The following ANKUB1 variants were observed in gnomAD, a reference collection of about 807,000 sequenced individuals.
The protein encoded by ANKUB1 is ankyrin repeat and ubiquitin domain containing 1.
A neutral mutation model predicts 49.3 loss-of-function variants in ANKUB1; 42 were observed. That is an observed-to-expected ratio of 0.85 (90% CI 0.67 to 1.10). The LOEUF (loss-of-function observed/expected upper bound fraction) is 1.10, where lower values mean the gene tolerates loss of function less well. Ranked by LOEUF, ANKUB1 falls within the 50% of genes least tolerant of loss-of-function variation. ANKUB1 has a pLI of 0.00. For missense variants in ANKUB1, 613 were observed against 642.0 expected, an observed-to-expected ratio of 0.95 and a Z score of 0.49; for synonymous variants, 222 against 231.0, an observed-to-expected ratio of 0.96 and a Z score of 0.35.
In ANKUB1 at chr3:149,790,780, C is replaced by T; in HGVS notation, c.234+1G>A. The T allele has an allele frequency of 1.3e-6, 2 of 1,549,706 alleles. No homozygotes were observed. The highest frequency in any genetic ancestry group is 1.2e-5 in the South Asian group (1 of 83,624). On this transcript the variant is annotated splice_donor_variant, in intron 2 of 5. Transcript: ENST00000446160. LOFTEE classifies it high-confidence loss of function. Reference sequence around the variant, plus strand: ...GACGAATATTATCCTGACCATCATACCTTAACAAAGCATTTGAGAGTTGAA... The same window carrying T: ...GACGAATATTATCCTGACCATCATATCTTAACAAAGCATTTGAGAGTTGAA...
Position 149,761,410 on chromosome 3 carries a change from T to C in ANKUB1, c.*74A>G. On this transcript the variant is annotated 3_prime_UTR_variant, in exon 6 of 6. Coordinates refer to ENST00000446160, the MANE Select transcript of ANKUB1 (RefSeq NM_001144960.3). ...AGAGATGATAACATTAGAACTGTTA[T>C]TAGAAATGTTAACATTAGAACTGGA... The C allele has an allele frequency of 6.7e-7, 1 of 1,491,414 alleles. No individual in the cohort carries two copies. Among genetic ancestry groups the C allele is most frequent in the Middle Eastern group, 1.7e-4 (1 of 5,760 alleles). The allele number at this position is 1,491,414 out of a possible 1,614,324, so 92.4% of individuals were successfully genotyped here.
chr3:149,790,774 A>G lies in ANKUB1; in HGVS notation c.234+7T>C. On this transcript the variant is annotated splice_region_variant and intron_variant, in intron 2 of 5. Coordinates refer to ENST00000446160, the MANE Select transcript of ANKUB1 (RefSeq NM_001144960.3). The stretch of plus-strand genomic sequence containing the variant: ...ATCTTAGACGAATATTATCCTGACC[A>G]TCATACCTTAACAAAGCATTTGAGA... 6.5e-7 allele frequency: 1 copy of G among 1,548,538 alleles called. No homozygotes were observed. Among genetic ancestry groups the G allele is most frequent in the Non-Finnish European group, 8.7e-7 (1 of 1,145,996 alleles).
In ANKUB1 at chr3:149,767,421, C is replaced by T; in HGVS notation, c.1241G>A (p.Ser414Asn). ...ALKFHPLVNA[S>N]SFSELQKHQQ... ...ATGTTTTTGTAATTCAGAGAATGAACTTGCATTCACCAGTGGATGAAATTT... is the reference window on the plus strand; with the variant it reads ...ATGTTTTTGTAATTCAGAGAATGAATTTGCATTCACCAGTGGATGAAATTT... Residue 414 changes from serine to asparagine, a missense_variant, in exon 5 of 6, where the codon AGT becomes AAT. Ser to Asn is a conservative substitution (Grantham distance 46). Transcript: ENST00000446160. The T allele has an allele frequency of 1.3e-6, 2 of 1,551,670 alleles. No homozygotes were observed. Among genetic ancestry groups the T allele is most frequent in the Non-Finnish European group, 1.7e-6 (2 of 1,146,986 alleles).
chr3:149,788,084 C>G (rs778627514), intron 2 of ANKUB1, among the ~76,000 whole-genome samples: 6 of 152,132 alleles, frequency 3.9e-5, no homozygotes, highest in Non-Finnish European at 8.8e-5. Flanking sequence ...CTAACTTTCA[C>G]AAAGTAACAT....
chr3:149,766,637 A>AG, intron 5 of ANKUB1: 1 of 494,130 alleles, frequency 2.0e-6, no homozygotes, highest in Non-Finnish European at 3.7e-6. Flanking sequence ...TCATCTCTAC[A>AG]GAAAAAAAAA....
At chr3:149,770,778 T>G (rs2108267128) in intron 3 of ANKUB1, 104 bp from the exon 4 acceptor site, 1 of 664,602 alleles carries the variant, frequency 1.5e-6, no homozygotes, top group East Asian at 3.0e-5. Flanking sequence ...CTTAGCTAGA[T>G]GCAAAATGAA....
At chr3:149,784,980 G>A (rs2108278843) in intron 2 of ANKUB1, among the ~76,000 whole-genome samples, 1 of 152,156 alleles carries the variant, frequency 6.6e-6, no homozygotes, top group South Asian at 2.1e-4. Flanking sequence ...GAAAACAGTG[G>A]ACAAAACTTA....
At chr3:149,764,109 A>G in intron 5 of ANKUB1, 2 of 445,970 alleles carry the variant, frequency 4.5e-6, no homozygotes, top group Non-Finnish European at 9.0e-6. Flanking sequence ...GTGATGGTGC[A>G]TGTAGCCATC....
At chr3:149,785,076 T>C (rs183920052) in intron 2 of ANKUB1, among the ~76,000 whole-genome samples, 39 of 152,264 alleles carry the variant, frequency 2.6e-4, no homozygotes, top group African/African-American at 8.2e-4. Context: ...ACATACACTT[T>C]TGCAGTGCCT....
chr3:149,781,819 A>T (rs964971443), intron 2 of ANKUB1, among the ~76,000 whole-genome samples: 2 of 152,338 alleles, frequency 1.3e-5, no homozygotes, highest in East Asian at 1.9e-4. Context: ...TGAAGTGATT[A>T]GGAACAGTTT....
intron 3 of ANKUB1, among the ~76,000 whole-genome samples, chr3:149,773,109 TAG>T (rs1413209579): frequency 6.6e-6 from 1 of 152,180 alleles, no homozygotes; most frequent in Non-Finnish European, 1.5e-5. Flanking sequence ...TTCTAATTCC[TAG>T]AGAGTCTCCC....
At chr3:149,762,327 C>T (rs1716816830) in intron 5 of ANKUB1, among the ~76,000 whole-genome samples, 1 of 152,184 alleles carries the variant, frequency 6.6e-6, no homozygotes, top group Non-Finnish European at 1.5e-5. Context: ...CCCATAGACA[C>T]TTCTAATTTA....
intron 2 of ANKUB1, among the ~76,000 whole-genome samples, chr3:149,789,860 C>T (rs1468150833): frequency 3.3e-5 from 5 of 152,132 alleles, no homozygotes; most frequent in South Asian, 2.1e-4. Flanking sequence ...TATCTCCTGA[C>T]CTCATGATCT....
chr3:149,768,000 G>C lies in ANKUB1; in HGVS notation c.662C>G (p.Ala221Gly). 1 of 1,509,744 alleles carries C rather than the reference G, an allele frequency of 6.6e-7. No homozygotes were observed. The highest frequency in any genetic ancestry group is 8.9e-7 in the Non-Finnish European group (1 of 1,122,904). 93.5% of individuals were successfully genotyped at this position (1,509,744 alleles called of 1,614,324 possible). A position where few individuals can be genotyped will look rare whatever the true frequency, so the allele number is the denominator to read the frequency against. ...TGCTCGATAGGGGTGAACACCGACT[G>C]CCTCGTGGGGCCGCGCACCCTGCTT... is the stretch of plus-strand genomic sequence containing the variant. ...ALKQGARPHE[A>G]VGVHPYRAWC... Residue 221 changes from alanine to glycine, a missense_variant, in exon 5 of 6, where the codon GCA becomes GGA. Ala to Gly is a moderately conservative substitution (Grantham distance 60). Coordinates refer to ENST00000446160, the MANE Select transcript of ANKUB1 (RefSeq NM_001144960.3).
intron 3 of ANKUB1, 151 bp downstream of exon 3, chr3:149,780,088 G>A (rs1717788330): frequency 1.5e-6 from 1 of 679,724 alleles, no homozygotes; most frequent in South Asian, 1.9e-5. Context: ...CTATGTAAAT[G>A]TGTTAACTGT....
intron 5 of ANKUB1, 86 bp downstream of exon 5, chr3:149,767,071 C>T: frequency 1.6e-6 from 2 of 1,269,662 alleles, no homozygotes; most frequent in Admixed American, 5.2e-5. Context: ...CTTTCAGTGG[C>T]ATAGTAGGGC....
rs563744708 is a variant in ANKUB1 at position 149,767,171 on chromosome 3, G to A, written c.1491C>T (p.Cys497=). 1,063 of 1,527,270 alleles carry A rather than the reference G, an allele frequency of 7.0e-4. 3 individuals are homozygous for A. Among genetic ancestry groups the A allele is most frequent in the Non-Finnish European group, 6.6e-4 (749 of 1,137,968 alleles). 94.6% of individuals were successfully genotyped at this position (1,527,270 alleles called of 1,614,324 possible). A position where few individuals can be genotyped will look rare whatever the true frequency, so the allele number is the denominator to read the frequency against. The change falls in exon 5 of 6, where the codon TGC becomes TGT. Residue 497 remains cysteine, a synonymous_variant. Transcript: ENST00000446160. ...GKTPWENAIY[C]LAVASAFKEK... is the part of the protein sequence containing the mutation. ...GAGAACATTACCTTGCCACAGCTAA[G>A]CAGTAGATTGCGTTCTCCCATGGAG...
chr3:149,766,487 G>A (rs1425704894), intron 5 of ANKUB1: 1 of 195,724 alleles, frequency 5.1e-6, no homozygotes, highest in African/African-American at 2.3e-5. Flanking sequence ...ACAAAGAAGT[G>A]GAAGAGGAGG....
chr3:149,769,055 C>T (rs1029855783), intron 4 of ANKUB1, among the ~76,000 whole-genome samples: 2 of 152,016 alleles, frequency 1.3e-5, no homozygotes, highest in South Asian at 2.1e-4. Flanking sequence ...ATATCACTAC[C>T]CCACAATAGA....
Sources: allele counts gnomAD v4.1 joint callset (sites outside exome capture counted in the v4.1 genomes callset), GRCh38; gene constraint gnomAD v4.1.1; transcripts MANE v1.5; gene names NCBI Gene and HGNC (gene_info 2026-07-23, HGNC 2026-07-21).